SEMA6D: variants seen among roughly 807,000 people sequenced by gnomAD.
SEMA6D encodes semaphorin 6D, also known as semaphorin-6D.
In SEMA6D, 35 loss-of-function variants were observed where a neutral mutation model predicts 106.6. The ratio of observed to expected loss-of-function variants is 0.33; its 90% confidence interval spans 0.25 to 0.44. The LOEUF is 0.44. Ranked by LOEUF, SEMA6D falls within the 20% of genes least tolerant of loss-of-function variation. The probability of loss-of-function intolerance (pLI) is 1.00; values close to 1 mark genes in which losing one functional copy is unlikely to be tolerated. For synonymous variants in SEMA6D, 499 were observed against 487.7 expected (o/e 1.02, Z -0.31); for missense variants, 1,185 against 1,345.9 (o/e 0.88, Z 1.87).
chr15:47,597,741 G>A (rs1480375035), intron 3 of SEMA6D, among the ~76,000 whole-genome samples: 1 of 151,542 alleles, frequency 6.6e-6, no homozygotes, highest in African/African-American at 2.4e-5. Flanking sequence ...TGAGGGAGAT[G>A]TTGGTCAAAG....
chr15:47,254,664 A>G (rs191666238), intron 1 of SEMA6D, among the ~76,000 whole-genome samples: 9 of 152,156 alleles, frequency 5.9e-5, no homozygotes, highest in East Asian at 1.9e-4. Flanking sequence ...TTCTGCATCT[A>G]TTGAAGTGAT....
At chr15:47,407,088 C>T (rs752126460) in intron 1 of SEMA6D, among the ~76,000 whole-genome samples, 8 of 151,788 alleles carry the variant, frequency 5.3e-5, no homozygotes, top group Non-Finnish European at 7.4e-5. Flanking sequence ...TAGGCCGGGC[C>T]GGGGGGTGGC....
intron 1 of SEMA6D, among the ~76,000 whole-genome samples, chr15:47,326,112 A>G (rs1373435863): frequency 6.6e-6 from 1 of 152,192 alleles, no homozygotes; most frequent in Non-Finnish European, 1.5e-5. Context: ...TTGGAGGGGA[A>G]AAACTACATG....
At chr15:47,256,088 G>T (rs973709819) in intron 1 of SEMA6D, among the ~76,000 whole-genome samples, 10 of 152,056 alleles carry the variant, frequency 6.6e-5, no homozygotes, top group Non-Finnish European at 1.3e-4. Flanking sequence ...ATAATGTCTT[G>T]ATTACTGTAG....
intron 3 of SEMA6D, among the ~76,000 whole-genome samples, chr15:47,529,845 G>A (rs999872171): frequency 1.3e-5 from 2 of 152,082 alleles, no homozygotes; most frequent in African/African-American, 4.8e-5. Context: ...TATATGAAGG[G>A]GTGATCGTTC....
At chr15:47,593,872 A>C (rs1435238222) in intron 3 of SEMA6D, among the ~76,000 whole-genome samples, 1 of 152,094 alleles carries the variant, frequency 6.6e-6, no homozygotes, top group Non-Finnish European at 1.5e-5. Flanking sequence ...TCGCATGAGA[A>C]CTCTATCACA....
chr15:47,447,799 G>A lies in SEMA6D; in HGVS notation c.-158-22675G>A, dbSNP rs192711015. On this transcript the variant is annotated intron_variant, in intron 2 of 19. Coordinates refer to the SEMA6D transcript ENST00000558014. The stretch of plus-strand genomic sequence containing the variant: ...CCTAGGGCTTGTGATCTGCATAGAC[G>A]TGGTGCTCAGTCTTGTGAGACTAAG... Among the ~76,000 whole-genome samples, 416 of 152,236 alleles carry A rather than the reference G, an allele frequency of 2.7e-3. 1 individual carries two copies. Among genetic ancestry groups the A allele is most frequent in the South Asian group, 0.011 (52 of 4,822 alleles).
chr15:47,355,072 T>G (rs928153844), intron 1 of SEMA6D, among the ~76,000 whole-genome samples: 6 of 152,152 alleles, frequency 3.9e-5, no homozygotes, highest in African/African-American at 1.4e-4. Flanking sequence ...AACTCTAAAT[T>G]GTGTACCCTA....
At chr15:47,256,590 G>A (rs897986690) in intron 1 of SEMA6D, among the ~76,000 whole-genome samples, 2 of 152,174 alleles carry the variant, frequency 1.3e-5, no homozygotes, top group Non-Finnish European at 2.9e-5. Context: ...GCCAGGTGTG[G>A]TGGCTCACAC....
intron 1 of SEMA6D, among the ~76,000 whole-genome samples, chr15:47,220,814 C>A (rs945726168): frequency 6.6e-6 from 1 of 152,106 alleles, no homozygotes; most frequent in Non-Finnish European, 1.5e-5. Flanking sequence ...CTAGAAAATT[C>A]GAAAGAAGCA....
chr15:47,621,373 C>G (rs942940263), intron 4 of SEMA6D, among the ~76,000 whole-genome samples: 2 of 152,150 alleles, frequency 1.3e-5, no homozygotes, highest in Admixed American at 1.3e-4. Context: ...ACTCTTCCCC[C>G]AGGACAGATT....
At chr15:47,480,966 G>A (rs2043138648) in intron 3 of SEMA6D, among the ~76,000 whole-genome samples, 1 of 152,066 alleles carries the variant, frequency 6.6e-6, no homozygotes, top group Non-Finnish European at 1.5e-5. Context: ...ATTGCCCTTT[G>A]ATCATACTTT....
chr15:47,388,166 G>T (rs2039904039), intron 1 of SEMA6D, among the ~76,000 whole-genome samples: 1 of 152,154 alleles, frequency 6.6e-6, no homozygotes. Flanking sequence ...AGAGAAGGTT[G>T]TTAAGAGCAA....
intron 1 of SEMA6D, among the ~76,000 whole-genome samples, chr15:47,742,282 A>G (rs773129334): frequency 7.2e-6 from 1 of 139,540 alleles, no homozygotes; most frequent in Non-Finnish European, 1.6e-5. Flanking sequence ...ACATTTTCTC[A>G]CTTGTCCCTT....
chr15:47,756,845 G>T (rs2081770857), intron 1 of SEMA6D, among the ~76,000 whole-genome samples: 1 of 149,350 alleles, frequency 6.7e-6, no homozygotes. Context: ...TTTGCAATAT[G>T]TATCACATTA....
At chr15:47,347,816 A>T (rs913807874) in intron 1 of SEMA6D, among the ~76,000 whole-genome samples, 1 of 152,198 alleles carries the variant, frequency 6.6e-6, no homozygotes, top group African/African-American at 2.4e-5. Context: ...CCAGAAAATT[A>T]TGATTAATAA....
At chr15:47,226,077 A>G (rs1295331744) in intron 1 of SEMA6D, among the ~76,000 whole-genome samples, 1 of 152,092 alleles carries the variant, frequency 6.6e-6, no homozygotes, top group Non-Finnish European at 1.5e-5. Flanking sequence ...GATGGAGCCT[A>G]ATCCAGTAGA....
At chr15:47,690,108 C>T (rs149647256) in intron 4 of SEMA6D, among the ~76,000 whole-genome samples, 26 of 152,292 alleles carry the variant, frequency 1.7e-4, no homozygotes, top group East Asian at 9.7e-4. Flanking sequence ...TTACACCTTG[C>T]GCTGCCCATC....
rs182889306 is a variant in SEMA6D at position 47,529,758 on chromosome 15, G to A, written c.-87+59213G>A. Among the ~76,000 whole-genome samples, 93 of 152,220 alleles carry A rather than the reference G, an allele frequency of 6.1e-4. 1 individual carries two copies. In the Middle Eastern group the frequency reaches 0.01, roughly 17 times the overall value. ...TGAGGGTCATTGATGTAAACCTTGT[G>A]GAGATGTTAGGGATTCAGGGAAGGC... On this transcript the variant is annotated intron_variant, in intron 3 of 19. Transcript: ENST00000558014.
Sources: allele counts gnomAD v4.1 joint callset (sites outside exome capture counted in the v4.1 genomes callset), GRCh38; gene constraint gnomAD v4.1.1; transcripts MANE v1.5; gene names NCBI Gene and HGNC (gene_info 2026-07-23, HGNC 2026-07-21).